Variants in TNR observed in about 807,000 individuals in gnomAD.
The protein encoded by TNR is tenascin R.
A neutral mutation model predicts 150.4 loss-of-function variants in TNR; 45 were observed. The ratio of observed to expected loss-of-function variants is 0.30; its 90% CI spans 0.24 to 0.38. TNR has a LOEUF of 0.38. Ranked by LOEUF, TNR falls within the 10% of genes least tolerant of loss-of-function variation. The pLI is 1.00. For synonymous variants in TNR, 687 were observed against 678.4 expected, an observed-to-expected ratio of 1.01 and a Z score of -0.20; for missense variants, 1,544 against 1,759.1, an observed-to-expected ratio of 0.88 and a Z score of 2.19.
chr1:175,320,662 C>A lies in TNR; in HGVS notation c.*2695G>T, dbSNP rs1314471103. ...GTTTTTATGGACAAAAAGAGTTCAG[C>A]CTCTCACTCGGCATGATCTTTTCTG... On this transcript the variant is annotated 3_prime_UTR_variant, in exon 23 of 23. Transcript: ENST00000367674. 6.6e-6 allele frequency: 1 copy of A among 150,786 alleles called. No individual in the cohort carries two copies. The highest frequency in any genetic ancestry group is 1.5e-5 in the Non-Finnish European group (1 of 67,852). The allele number at this position is 150,786 out of a possible 1,614,324, so 9.3% of individuals were successfully genotyped here.
At chr1:175,555,675 T>G (rs1258695941) in intron 1 of TNR, among the ~76,000 whole-genome samples, 4 of 152,212 alleles carry the variant, frequency 2.6e-5, no homozygotes, top group African/African-American at 9.6e-5. Context: ...AAACCCAAGC[T>G]CTTGTACCCA....
In TNR at chr1:175,343,962, CA is replaced by C. The variant is rs1185982848; in HGVS notation, c.3383-6284del. ...TGGCGTTTTTGAACAACGAATTGGA[CA>C]AAATGCACAAACAAAGTAACACAGG... On this transcript the variant is annotated intron_variant, in intron 18 of 22. Transcript: ENST00000367674. 3.3e-5 allele frequency among the ~76,000 whole-genome samples: 5 copies of C among 152,110 alleles called. No individual in the cohort carries two copies. The East Asian group carries it at 9.6e-4, about 29-fold the overall frequency.
At chr1:175,512,909 C>A (rs1388432371) in intron 2 of TNR, among the ~76,000 whole-genome samples, 1 of 152,168 alleles carries the variant, frequency 6.6e-6, no homozygotes, top group Non-Finnish European at 1.5e-5. Flanking sequence ...AACTTGCAAC[C>A]AGAAGTTCTC....
intron 2 of TNR, among the ~76,000 whole-genome samples, chr1:175,446,810 C>T (rs1265560350): frequency 2.0e-5 from 3 of 152,062 alleles, no homozygotes; most frequent in Admixed American, 6.6e-5. Flanking sequence ...AGCCACCCCG[C>T]GAGGTACTCA....
At chr1:175,588,297 C>G (rs1230898428) in intron 1 of TNR, among the ~76,000 whole-genome samples, 1 of 152,156 alleles carries the variant, frequency 6.6e-6, no homozygotes, top group African/African-American at 2.4e-5. Flanking sequence ...TAAGAAATTT[C>G]TTGGGACAAA....
intron 1 of TNR, among the ~76,000 whole-genome samples, chr1:175,651,380 G>A (rs937673906): frequency 1.3e-4 from 20 of 152,058 alleles, no homozygotes; most frequent in East Asian, 5.8e-4. Context: ...GATGAGTGGC[G>A]GATGGAAAGT....
chr1:175,433,403 G>A (rs1371913137), intron 2 of TNR, among the ~76,000 whole-genome samples: 2 of 152,134 alleles, frequency 1.3e-5, no homozygotes, highest in East Asian at 1.9e-4. Context: ...ATGTTAGATG[G>A]CTCATCTTAA....
At chr1:175,529,088 C>T (rs1045121103) in intron 1 of TNR, among the ~76,000 whole-genome samples, 9 of 152,322 alleles carry the variant, frequency 5.9e-5, no homozygotes, top group Admixed American at 1.3e-4. Context: ...AGGGGTCCTA[C>T]GCAGATCTTC....
At chr1:175,466,473 G>A (rs1389617364) in intron 2 of TNR, among the ~76,000 whole-genome samples, 1 of 152,202 alleles carries the variant, frequency 6.6e-6, no homozygotes, top group Non-Finnish European at 1.5e-5. Flanking sequence ...TTTGTGTGCT[G>A]CTGACCCAGT....
In TNR at chr1:175,393,884, G is replaced by C; in HGVS notation, c.1252C>G (p.Pro418Ala). The change falls in exon 6 of 23, where the codon CCT becomes GCT. Residue 418 changes from proline (P) to alanine (A), a missense_variant. Coordinates refer to ENST00000367674, the MANE Select transcript of TNR (RefSeq NM_003285.3). ...TAKVATHLSTPQGLQFKTITE... is the reference protein window; with the variant it reads ...TAKVATHLSTAQGLQFKTITE... ...ATCGTCTTAAATTGTAGCCCTTGAG[G>C]AGTGGAGAGATCTGGAACACAGCAA... 1 of 1,613,602 alleles carries C rather than the reference G, an allele frequency of 6.2e-7. No individual in the cohort carries two copies. The highest frequency in any genetic ancestry group is 8.5e-7 in the Non-Finnish European group (1 of 1,179,486).
At chr1:175,568,984 G>A in intron 1 of TNR, among the ~76,000 whole-genome samples, 1 of 151,232 alleles carries the variant, frequency 6.6e-6, no homozygotes, top group Non-Finnish European at 1.5e-5. Context: ...TTTTTTTCTA[G>A]TCTCAGTATT....
intron 21 of TNR, among the ~76,000 whole-genome samples, chr1:175,326,841 T>G (rs569566952): frequency 1.8e-4 from 28 of 152,190 alleles, no homozygotes; most frequent in Non-Finnish European, 2.9e-5. Context: ...CTAATTTTTG[T>G]ATTTTCAGTA....
chr1:175,480,352 GAGAA>G (rs1465660624), intron 2 of TNR, among the ~76,000 whole-genome samples: 2 of 139,628 alleles, frequency 1.4e-5, no homozygotes, highest in African/African-American at 2.7e-5. Flanking sequence ...AGGAAGGAGA[GAGAA>G]AGAAAGAGGG....
chr1:175,376,589 A>G (rs1652389094), intron 9 of TNR, among the ~76,000 whole-genome samples: 1 of 152,138 alleles, frequency 6.6e-6, no homozygotes, highest in African/African-American at 2.4e-5. Context: ...TCCAAGTTGG[A>G]GAGTGAGTGA....
intron 1 of TNR, among the ~76,000 whole-genome samples, chr1:175,698,949 G>T (rs1339508379): frequency 6.6e-6 from 1 of 152,160 alleles, no homozygotes; most frequent in Non-Finnish European, 1.5e-5. Flanking sequence ...AAAACAATAT[G>T]ATCTAATTTG....
At chr1:175,418,879 A>C (rs935259639) in intron 2 of TNR, among the ~76,000 whole-genome samples, 2 of 152,170 alleles carry the variant, frequency 1.3e-5, no homozygotes, top group Non-Finnish European at 2.9e-5. Context: ...CATTTTTAGA[A>C]ATTTGCTTTG....
intron 1 of TNR, among the ~76,000 whole-genome samples, chr1:175,704,852 C>T (rs1026790424): frequency 6.6e-6 from 1 of 152,186 alleles, no homozygotes; most frequent in Non-Finnish European, 1.5e-5. Flanking sequence ...CCTTCACAGA[C>T]GCCCACAGAG....
intron 1 of TNR, among the ~76,000 whole-genome samples, chr1:175,598,798 C>T (rs1427094438): frequency 6.6e-6 from 1 of 152,192 alleles, no homozygotes; most frequent in African/African-American, 2.4e-5. Flanking sequence ...CTAGGTAAGA[C>T]TCCATTAGGT....
chr1:175,391,860 T>C (rs1455648379), intron 6 of TNR, among the ~76,000 whole-genome samples: 1 of 152,278 alleles, frequency 6.6e-6, no homozygotes, highest in Non-Finnish European at 1.5e-5. Context: ...CATGTGTGTT[T>C]GTGTGTAAAC....
Sources: gnomAD v4.1 joint callset for allele counts (sites outside exome capture counted in the v4.1 genomes callset) on GRCh38, gnomAD v4.1.1 for gene constraint, MANE v1.5 for transcripts, NCBI Gene and HGNC (gene_info 2026-07-23, HGNC 2026-07-21) for gene names.